The following MYO3A variants were observed in gnomAD, a reference collection of about 807,000 sequenced individuals.
MYO3A encodes myosin-IIIa.
Under a neutral mutation model 192.7 loss-of-function variants are expected in MYO3A, and 180 were observed. The observed-to-expected ratio is 0.93, with a 90% confidence interval of 0.83 to 1.06. MYO3A has a LOEUF of 1.06. Ranked by LOEUF, MYO3A falls within the 50% of genes least tolerant of loss-of-function variation. The pLI is 0.00. For missense variants in MYO3A, 1,896 were observed against 1,905.0 expected (o/e 1.00, Z 0.09); for synonymous variants, 628 against 645.3 (o/e 0.97, Z 0.41).
intron 32 of MYO3A, among the ~76,000 whole-genome samples, chr10:26,197,885 ATATT>A (rs1157102585): frequency 6.6e-6 from 1 of 152,126 alleles, no homozygotes; most frequent in Non-Finnish European, 1.5e-5. Flanking sequence ...GCATTTATAA[ATATT>A]TATTTGTCTA....
At chr10:25,947,305 C>G (rs942991497) in intron 2 of MYO3A, among the ~76,000 whole-genome samples, 2 of 149,100 alleles carry the variant, frequency 1.3e-5, no homozygotes, top group African/African-American at 5.0e-5. Flanking sequence ...TACAGTCTGT[C>G]TTATTATAGA....
chr10:25,959,704 G>T (rs1254449912), intron 4 of MYO3A, among the ~76,000 whole-genome samples: 1 of 151,784 alleles, frequency 6.6e-6, no homozygotes, highest in African/African-American at 2.4e-5. Context: ...GTAGTAATTT[G>T]TGCCTCTCCC....
intron 15 of MYO3A, among the ~76,000 whole-genome samples, chr10:26,093,447 A>C (rs572371147): frequency 2.0e-5 from 3 of 152,224 alleles, no homozygotes; most frequent in Admixed American, 6.5e-5. Context: ...TGTTACTTGC[A>C]TTATCACTGG....
chr10:25,984,308 G>T (rs182805941), intron 4 of MYO3A, among the ~76,000 whole-genome samples: 1 of 152,254 alleles, frequency 6.6e-6, no homozygotes, highest in Non-Finnish European at 1.5e-5. Flanking sequence ...CCACTTAAAT[G>T]ATACAGAGTG....
chr10:26,039,936 TC>T (rs1407099297), intron 10 of MYO3A, among the ~76,000 whole-genome samples: 3 of 152,082 alleles, frequency 2.0e-5, no homozygotes, highest in African/African-American at 7.2e-5. Flanking sequence ...GATTGCTCTT[TC>T]TTTTCTAGCT....
chr10:26,104,066 A>C (rs1012358959), intron 17 of MYO3A, among the ~76,000 whole-genome samples: 1 of 151,544 alleles, frequency 6.6e-6, no homozygotes, highest in Non-Finnish European at 1.5e-5. Context: ...AGTTGTAGAA[A>C]TTTTTTATAA....
intron 32 of MYO3A, among the ~76,000 whole-genome samples, chr10:26,198,245 C>A (rs1195603938): frequency 6.6e-6 from 1 of 151,984 alleles, no homozygotes; most frequent in African/African-American, 2.4e-5. Context: ...TGCTCTTTAT[C>A]TCTTACGTCC....
intron 15 of MYO3A, among the ~76,000 whole-genome samples, chr10:26,090,322 C>T (rs1222820487): frequency 6.6e-6 from 1 of 152,168 alleles, no homozygotes; most frequent in East Asian, 1.9e-4. Context: ...AGGCCCTGAG[C>T]TTGTAACCAT....
At chr10:26,150,942 G>C (rs1840757779) in intron 23 of MYO3A, among the ~76,000 whole-genome samples, 4 of 151,820 alleles carry the variant, frequency 2.6e-5, no homozygotes. Context: ...ACTTATATGG[G>C]TTATTTATAA....
intron 4 of MYO3A, among the ~76,000 whole-genome samples, chr10:25,981,353 T>C (rs1158841160): frequency 6.6e-6 from 1 of 152,114 alleles, no homozygotes; most frequent in African/African-American, 2.4e-5. Flanking sequence ...AACTATAACG[T>C]TCCTAAGGAA....
intron 4 of MYO3A, among the ~76,000 whole-genome samples, chr10:25,988,987 C>T (rs74648831): frequency 0.063 from 9,147 of 144,134 alleles, 380 homozygotes; most frequent in Non-Finnish European, 0.093. Context: ...CAGCGTCTCG[C>T]TCTGTCGCCT....
chr10:26,111,170 A>AT (rs1588974055), intron 17 of MYO3A, among the ~76,000 whole-genome samples: 2 of 152,088 alleles, frequency 1.3e-5, no homozygotes, highest in East Asian at 3.9e-4. Context: ...GCCTGGTGAT[A>AT]TTTTTAATGC....
At chr10:26,179,352 C>G (rs533282253) in intron 31 of MYO3A, among the ~76,000 whole-genome samples, 2 of 152,024 alleles carry the variant, frequency 1.3e-5, no homozygotes, top group Non-Finnish European at 2.9e-5. Flanking sequence ...ATCTGCCCAC[C>G]TTTACCTCCC....
intron 15 of MYO3A, among the ~76,000 whole-genome samples, chr10:26,090,991 G>A (rs1281679436): frequency 1.3e-5 from 2 of 152,228 alleles, no homozygotes; most frequent in Admixed American, 6.5e-5. Context: ...GTCAGGGAGA[G>A]AGCAAGGGGA....
At chr10:26,157,699 A>G (rs1175941037) in intron 26 of MYO3A, among the ~76,000 whole-genome samples, 184 bp downstream of exon 26, 1 of 152,194 alleles carries the variant, frequency 6.6e-6, no homozygotes, top group Admixed American at 6.5e-5. Context: ...CTCTGGACAG[A>G]TGGGTGGTAC....
chr10:26,169,718 CTT>C (rs1000516008), intron 28 of MYO3A, among the ~76,000 whole-genome samples: 2 of 152,192 alleles, frequency 1.3e-5, no homozygotes, highest in African/African-American at 4.8e-5. Context: ...ATCCTCATCT[CTT>C]TTTGTATTTT....
chr10:26,084,007 G>A (rs1326979405), intron 14 of MYO3A, among the ~76,000 whole-genome samples: 4 of 152,202 alleles, frequency 2.6e-5, no homozygotes, highest in South Asian at 2.1e-4. Context: ...TAGATAGTTC[G>A]TAAGAATCTG....
intron 10 of MYO3A, among the ~76,000 whole-genome samples, chr10:26,056,191 A>G (rs572401723): frequency 5.9e-5 from 9 of 152,340 alleles, no homozygotes; most frequent in African/African-American, 7.2e-5. Context: ...GCACTGTAAC[A>G]TAAATGAAGA....
chr10:25,968,122 G>C (rs1252648926), intron 4 of MYO3A, among the ~76,000 whole-genome samples: 5 of 152,080 alleles, frequency 3.3e-5, no homozygotes, highest in Non-Finnish European at 7.4e-5. Flanking sequence ...ACTAAGGTAT[G>C]TCATAATCCA....
Sources: gnomAD v4.1 joint callset for allele counts (sites outside exome capture counted in the v4.1 genomes callset) on GRCh38, gnomAD v4.1.1 for gene constraint, MANE v1.5 for transcripts, NCBI Gene and HGNC (gene_info 2026-07-23, HGNC 2026-07-21) for gene names.